Variants in FAM118B observed in about 807,000 individuals in gnomAD.
The protein encoded by FAM118B is SIR2 antiphage like 1, also known as protein FAM118B.
Under a neutral mutation model 38.5 loss-of-function variants are expected in FAM118B, and 24 were observed. The observed-to-expected ratio is 0.62, with a 90% CI of 0.45 to 0.88. FAM118B has a LOEUF of 0.88. FAM118B is among the 40% of genes least tolerant of loss of function. The probability of loss-of-function intolerance (pLI) is 0.00; values close to 1 mark genes in which losing one functional copy is unlikely to be tolerated. For synonymous variants in FAM118B, 138 were observed against 156.3 expected (o/e 0.88, Z 0.87); for missense variants, 334 against 420.0 (o/e 0.80, Z 1.79).
intron 2 of FAM118B, among the ~76,000 whole-genome samples, chr11:126,231,777 G>C (rs1565329340): frequency 6.6e-6 from 1 of 152,196 alleles, no homozygotes; most frequent in Non-Finnish European, 1.5e-5. Context: ...GGCAGAAATA[G>C]AATCCAGCAA....
chr11:126,237,472 A>C (rs1950291742), intron 3 of FAM118B, among the ~76,000 whole-genome samples: 1 of 142,372 alleles, frequency 7.0e-6, no homozygotes, highest in African/African-American at 2.6e-5. Context: ...TCCTGACCTC[A>C]AGTGATCCAC....
chr11:126,241,103 C>G (rs1950351529), intron 4 of FAM118B, 59 bp downstream of exon 4: 3 of 1,491,064 alleles, frequency 2.0e-6, no homozygotes, highest in African/African-American at 1.4e-5. Flanking sequence ...ACTATCACAA[C>G]TAGCATGATT....
chr11:126,232,122 A>G (rs1950213949), intron 2 of FAM118B, among the ~76,000 whole-genome samples: 1 of 152,210 alleles, frequency 6.6e-6, no homozygotes, highest in Non-Finnish European at 1.5e-5. Flanking sequence ...GCTTGTGAGC[A>G]GAAAGAAGTG....
At position 126,262,472 on chromosome 11, in the gene FAM118B, G is replaced by T; in HGVS notation, c.*339G>T. On this transcript the variant is annotated 3_prime_UTR_variant, in exon 9 of 9. Coordinates refer to ENST00000533050, the MANE Select transcript of FAM118B (RefSeq NM_024556.4). ...CTGCAGCTCTGCATGAAGGACTCGGGGTCTGGATGCCATGGAATCACTGTG... is the reference window on the plus strand; with the variant it reads ...CTGCAGCTCTGCATGAAGGACTCGGTGTCTGGATGCCATGGAATCACTGTG... 6.0e-6 allele frequency: 2 copies of T among 333,796 alleles called. No homozygotes were observed. Among genetic ancestry groups the T allele is most frequent in the South Asian group, 7.5e-5 (1 of 13,342 alleles). The allele number at this position is 333,796 out of a possible 1,614,324, so 20.7% of individuals were successfully genotyped here. A position where few individuals can be genotyped will look rare whatever the true frequency, so the allele number is the denominator to read the frequency against.
chr11:126,246,944 A>G (rs2135188992), intron 4 of FAM118B, among the ~76,000 whole-genome samples: 1 of 152,294 alleles, frequency 6.6e-6, no homozygotes, highest in Middle Eastern at 3.4e-3. Context: ...ATCTGCTTTA[A>G]GAGAAAAAAA....
chr11:126,260,299 C>G (rs1336628461), intron 7 of FAM118B: 2 of 152,120 alleles, frequency 1.3e-5, no homozygotes, highest in African/African-American at 2.4e-5. Flanking sequence ...TCCCAAAGTT[C>G]TGGGATTATA....
At position 126,255,348 on chromosome 11, in the gene FAM118B, G is replaced by A. The variant is rs193070710; in HGVS notation, c.696+915G>A. Among the ~76,000 whole-genome samples the A allele has an allele frequency of 1.4e-4, 21 of 152,252 alleles. No homozygotes were observed. In the East Asian group the frequency reaches 3.9e-3, roughly 28 times the overall value. ...TCTTTTAATAATGAGGCAAAAGACC[G>A]AGAAAATGTATTGTCTAAAGCACAA... On this transcript the variant is annotated intron_variant, in intron 6 of 8. Coordinates refer to ENST00000533050, the MANE Select transcript of FAM118B (RefSeq NM_024556.4). The surrounding 1 kb of genome is among the most constrained non-coding windows in gnomAD (Gnocchi z 4.6).
At chr11:126,235,188 G>T in intron 3 of FAM118B, 101 bp downstream of exon 3, 1 of 910,822 alleles carries the variant, frequency 1.1e-6, no homozygotes, top group Non-Finnish European at 1.7e-6. Flanking sequence ...TCACTAATTA[G>T]TATTGACCTT....
rs565890305 is a variant in FAM118B at position 126,229,243 on chromosome 11, C to A, written c.-58C>A. 4 of 152,290 alleles carry A rather than the reference C, an allele frequency of 2.6e-5. No homozygotes were observed. The highest frequency in any genetic ancestry group is 9.6e-5 in the African/African-American group (4 of 41,576). 9.4% of individuals were successfully genotyped at this position (152,290 alleles called of 1,614,324 possible). On this transcript the variant is annotated 5_prime_UTR_variant, in exon 2 of 9. In the 5' UTR this introduces an upstream ATG that the reference lacks. Transcript: ENST00000533050. ...TTTTCAGGATATACCTTCTCAGAAG[C>A]TGCACAGGAGGAAAGCAGTGACAAA...
Position 126,256,489 on chromosome 11 carries a change from C to A in FAM118B, c.697-78C>A. The A allele has an allele frequency of 7.2e-7, 1 of 1,390,054 alleles. No homozygotes were observed. Among genetic ancestry groups the A allele is most frequent in the Non-Finnish European group, 9.9e-7 (1 of 1,007,162 alleles). 86.1% of individuals were successfully genotyped at this position (1,390,054 alleles called of 1,614,324 possible). On this transcript the variant is annotated intron_variant, in intron 6 of 8. Coordinates refer to ENST00000533050, the MANE Select transcript of FAM118B (RefSeq NM_024556.4). This position sits in a 1 kb window ranked among gnomAD's most constrained non-coding sequence, Gnocchi z 6.6. ...TAATTGGTCATCACAGTCTGCTCAACGTAGCATGACCTTCTTGTTTCAGAC... is the reference window on the plus strand; with the variant it reads ...TAATTGGTCATCACAGTCTGCTCAAAGTAGCATGACCTTCTTGTTTCAGAC...
chr11:126,237,633 G>A (rs77648812), intron 3 of FAM118B, among the ~76,000 whole-genome samples: 7,062 of 136,884 alleles, frequency 0.052, 301 homozygotes, highest in East Asian at 0.17. Flanking sequence ...TCAGGAGATC[G>A]AGACCATCCT....
chr11:126,214,035 G>A lies in FAM118B; in HGVS notation c.-77+2205G>A, dbSNP rs531255278. 3.3e-5 allele frequency among the ~76,000 whole-genome samples: 5 copies of A among 152,294 alleles called. No individual in the cohort carries two copies. The South Asian group carries it at 1.0e-3, about 32-fold the overall frequency. On this transcript the variant is annotated intron_variant, in intron 1 of 8. Coordinates refer to ENST00000533050, the MANE Select transcript of FAM118B (RefSeq NM_024556.4). ...GAGTCTAGGCACTTGGTGATTTAAA[G>A]TAGAGTTGTTCTCAGTATAAAGAAT... is the stretch of plus-strand genomic sequence containing the variant.
intron 1 of FAM118B, among the ~76,000 whole-genome samples, chr11:126,225,112 G>A (rs1950123380): frequency 6.6e-6 from 1 of 152,182 alleles, no homozygotes; most frequent in Non-Finnish European, 1.5e-5. Flanking sequence ...TGCAGCAGAG[G>A]ATGGCAAAGA....
chr11:126,248,062 C>G (rs1347067881), intron 4 of FAM118B, among the ~76,000 whole-genome samples: 1 of 150,564 alleles, frequency 6.6e-6, no homozygotes, highest in Admixed American at 6.6e-5. Context: ...AGGAGAATCA[C>G]CTGAACCAGA....
At chr11:126,221,643 C>T (rs1950063955) in intron 1 of FAM118B, among the ~76,000 whole-genome samples, 1 of 151,420 alleles carries the variant, frequency 6.6e-6, no homozygotes, top group African/African-American at 2.4e-5. Context: ...GAGTCCTTAG[C>T]GTTTAGTTGG....
intron 4 of FAM118B, among the ~76,000 whole-genome samples, chr11:126,247,867 ATAT>A (rs1246591613): frequency 8.4e-6 from 1 of 119,240 alleles, no homozygotes; most frequent in South Asian, 2.8e-4. Flanking sequence ...CAAAAAAAAA[ATAT>A]ATATATATAT....
At chr11:126,227,202 A>G (rs890030123) in intron 1 of FAM118B, among the ~76,000 whole-genome samples, 1 of 151,572 alleles carries the variant, frequency 6.6e-6, no homozygotes, top group African/African-American at 2.4e-5. Context: ...AGCTGGGACT[A>G]CAGGCACCCA....
chr11:126,219,284 G>A (rs999617730), intron 1 of FAM118B, among the ~76,000 whole-genome samples: 5 of 147,342 alleles, frequency 3.4e-5, no homozygotes, highest in Non-Finnish European at 4.5e-5. Flanking sequence ...TATCACATAA[G>A]GAAAAGCACA....
At chr11:126,258,847 A>G (rs915888900) in intron 7 of FAM118B, among the ~76,000 whole-genome samples, 4 of 151,440 alleles carry the variant, frequency 2.6e-5, no homozygotes, top group East Asian at 3.8e-4. Context: ...CAAAAAATAA[A>G]TATGTCTTTA....
Sources: gnomAD v4.1 joint callset for allele counts (sites outside exome capture counted in the v4.1 genomes callset) on GRCh38, gnomAD v4.1.1 for gene constraint, Gnocchi (gnomAD v3.1) non-coding constraint, MANE v1.5 for transcripts, NCBI Gene and HGNC (gene_info 2026-07-23, HGNC 2026-07-21) for gene names.